PTPN14: variants seen among roughly 807,000 people sequenced by gnomAD.
The protein encoded by PTPN14 is tyrosine-protein phosphatase non-receptor type 14.
Under a neutral mutation model 126.8 loss-of-function variants are expected in PTPN14, and 53 were observed. That is an observed-to-expected ratio of 0.42 (90% CI 0.34 to 0.53). PTPN14 has a LOEUF of 0.53. Ranked by LOEUF, PTPN14 falls within the 20% of genes least tolerant of loss-of-function variation. The pLI is 0.08. For synonymous variants in PTPN14, 630 were observed against 599.3 expected (o/e 1.05, Z -0.75); for missense variants, 1,257 against 1,552.9 (o/e 0.81, Z 3.20).
In PTPN14 at chr1:214,464,836, C is replaced by T. The variant is rs747755506; in HGVS notation, c.-33G>A. 1 of 1,608,888 alleles carries T rather than the reference C, an allele frequency of 6.2e-7. No individual in the cohort carries two copies. Among genetic ancestry groups the T allele is most frequent in the East Asian group, 2.2e-5 (1 of 44,750 alleles). ...TGGTCCTCGGACGCCGCCCGCCTATCCTGGCGCACACGCCCCTGAGATGGC... is the reference window on the plus strand; with the variant it reads ...TGGTCCTCGGACGCCGCCCGCCTATTCTGGCGCACACGCCCCTGAGATGGC... On this transcript the variant is annotated 5_prime_UTR_variant, in exon 2 of 19. Transcript: ENST00000366956.
intron 1 of PTPN14, chr1:214,533,243 C>A (rs1247489786): frequency 4.7e-6 from 3 of 644,038 alleles, no homozygotes; most frequent in Admixed American, 4.2e-5. Context: ...CAGGAAGAGG[C>A]GCAACACCAA....
intron 1 of PTPN14, chr1:214,533,501 G>A (rs921156199): frequency 4.4e-6 from 2 of 454,654 alleles, no homozygotes; most frequent in Non-Finnish European, 7.2e-6. Context: ...CCTTTGGGGA[G>A]CAGGAGGCCA....
chr1:214,371,774 A>G (rs762574601), intron 16 of PTPN14, among the ~76,000 whole-genome samples: 10 of 152,180 alleles, frequency 6.6e-5, no homozygotes, highest in Non-Finnish European at 1.2e-4. Flanking sequence ...GGGAAGTACA[A>G]CTGGCTTTAA....
At chr1:214,369,813 C>G in intron 16 of PTPN14, 122 bp from the exon 17 acceptor site, 1 of 811,460 alleles carries the variant, frequency 1.2e-6, no homozygotes, top group South Asian at 1.5e-5. Flanking sequence ...CAGTAGCACT[C>G]TGCAGTGTCT....
intron 10 of PTPN14, among the ~76,000 whole-genome samples, chr1:214,392,331 G>C (rs757637137): frequency 7.9e-5 from 12 of 152,094 alleles, no homozygotes; most frequent in Non-Finnish European, 4.4e-5. Context: ...TTGAGAAACA[G>C]AATTTCTTCT....
At chr1:214,386,967 C>T (rs370530880) in intron 11 of PTPN14, 45 bp from the exon 12 acceptor site, 25 of 1,498,898 alleles carry the variant, frequency 1.7e-5, no homozygotes, top group South Asian at 7.0e-5. Context: ...TGGGCAGACA[C>T]GGCTGGTGAC....
intron 10 of PTPN14, among the ~76,000 whole-genome samples, chr1:214,392,543 C>T (rs1434074104): frequency 6.6e-6 from 1 of 152,072 alleles, no homozygotes; most frequent in African/African-American, 2.4e-5. Flanking sequence ...CAAAGACACC[C>T]CCAGAAGTCA....
At chr1:214,412,541 G>A (rs1659330695) in intron 4 of PTPN14, among the ~76,000 whole-genome samples, 1 of 152,106 alleles carries the variant, frequency 6.6e-6, no homozygotes, top group Non-Finnish European at 1.5e-5. Flanking sequence ...TACCAATTAG[G>A]TGCAGCATTC....
intron 3 of PTPN14, among the ~76,000 whole-genome samples, chr1:214,421,679 G>C (rs1033032022): frequency 6.6e-6 from 1 of 152,160 alleles, no homozygotes; most frequent in African/African-American, 2.4e-5. Flanking sequence ...TCACGATCCA[G>C]TCAAAACTAT....
At chr1:214,471,500 T>C (rs1660758488) in intron 1 of PTPN14, among the ~76,000 whole-genome samples, 1 of 152,186 alleles carries the variant, frequency 6.6e-6, no homozygotes, top group Non-Finnish European at 1.5e-5. Flanking sequence ...TGTGGACAAG[T>C]TCCCTTCCTA....
intron 2 of PTPN14, among the ~76,000 whole-genome samples, chr1:214,464,236 A>G (rs1410056689): frequency 1.4e-5 from 2 of 143,912 alleles, no homozygotes; most frequent in Non-Finnish European, 3.0e-5. Flanking sequence ...AAAAAAAGGC[A>G]GCTGCATGCA....
At chr1:214,430,724 T>C (rs11810825) in intron 3 of PTPN14, among the ~76,000 whole-genome samples, 9,335 of 152,276 alleles carry the variant, frequency 0.061, 359 homozygotes, top group South Asian at 0.15. Flanking sequence ...TATTTACATA[T>C]ACATCTCATT....
chr1:214,363,131 C>T (rs1215803782), intron 18 of PTPN14, among the ~76,000 whole-genome samples: 1 of 152,210 alleles, frequency 6.6e-6, no homozygotes, highest in Non-Finnish European at 1.5e-5. Context: ...AGGGCAATGA[C>T]ATTTCTGTTA....
chr1:214,493,391 G>C (rs1279174307), intron 1 of PTPN14, among the ~76,000 whole-genome samples: 1 of 152,136 alleles, frequency 6.6e-6, no homozygotes, highest in African/African-American at 2.4e-5. Flanking sequence ...CACCAACCAT[G>C]TACAAGACAG....
intron 1 of PTPN14, among the ~76,000 whole-genome samples, chr1:214,477,684 G>C (rs905670632): frequency 1.1e-4 from 17 of 152,180 alleles, no homozygotes; most frequent in Admixed American, 9.2e-4. Flanking sequence ...TGCATGTGGG[G>C]ATGGCTCTTC....
intron 1 of PTPN14, among the ~76,000 whole-genome samples, chr1:214,527,835 C>T (rs1655439623): frequency 6.6e-6 from 1 of 152,210 alleles, no homozygotes. Flanking sequence ...AAATGTTTTT[C>T]TCTTCATAGC....
intron 1 of PTPN14, among the ~76,000 whole-genome samples, chr1:214,520,670 C>G (rs909175649): frequency 6.6e-6 from 1 of 152,094 alleles, no homozygotes; most frequent in Admixed American, 6.5e-5. Flanking sequence ...AATCTACAGG[C>G]CCCCCTCCAG....
In PTPN14 at chr1:214,356,229, G is replaced by GA. The variant is rs1266293114; in HGVS notation, c.*1692dup. 1 of 152,266 alleles carries GA rather than the reference G, an allele frequency of 6.6e-6. No individual in the cohort carries two copies. Among genetic ancestry groups the GA allele is most frequent in the African/African-American group, 2.4e-5 (1 of 41,410 alleles). 9.4% of individuals were successfully genotyped at this position (152,266 alleles called of 1,614,324 possible). A position where few individuals can be genotyped will look rare whatever the true frequency, so the allele number is the denominator to read the frequency against. ...CCGCCTTGGCCTTTCAAAGTGCTGG[G>GA]ATTACAGGTGTGAACCACCGTGCCT... is the stretch of plus-strand genomic sequence containing the variant. On this transcript the variant is annotated 3_prime_UTR_variant, in exon 19 of 19. Transcript: ENST00000366956.
At chr1:214,507,971 A>G (rs776934283) in intron 1 of PTPN14, among the ~76,000 whole-genome samples, 46 of 152,246 alleles carry the variant, frequency 3.0e-4, no homozygotes, top group Non-Finnish European at 6.2e-4. Context: ...CAGCCTGCGC[A>G]ACATAATGAG....
Sources: gnomAD v4.1 joint callset for allele counts (sites outside exome capture counted in the v4.1 genomes callset) on GRCh38, gnomAD v4.1.1 for gene constraint, MANE v1.5 for transcripts, NCBI Gene and HGNC (gene_info 2026-07-23, HGNC 2026-07-21) for gene names.